The following INPP4B variants were observed in gnomAD, a reference collection of about 807,000 sequenced individuals.
The protein encoded by INPP4B is inositol polyphosphate-4-phosphatase type II B.
In INPP4B, 55 loss-of-function variants were observed where a neutral mutation model predicts 122.5. That is an observed-to-expected ratio of 0.45 (90% confidence interval 0.36 to 0.56). The LOEUF (loss-of-function observed/expected upper bound fraction) is 0.56, where lower values mean the gene tolerates loss of function less well. Ranked by LOEUF, INPP4B falls within the 20% of genes least tolerant of loss-of-function variation. The probability of loss-of-function intolerance (pLI) is 0.00; values close to 1 mark genes in which losing one functional copy is unlikely to be tolerated. For missense variants in INPP4B, 1,000 were observed against 1,097.7 expected (o/e 0.91, Z 1.26); for synonymous variants, 403 against 388.7 (o/e 1.04, Z -0.43).
chr4:142,819,862 G>A (rs1049854784), intron 1 of INPP4B, among the ~76,000 whole-genome samples: 11 of 151,940 alleles, frequency 7.2e-5, no homozygotes, highest in Non-Finnish European at 1.3e-4. Context: ...AAAGTATAAC[G>A]TGGCTTATGG....
chr4:142,376,772 G>C (rs1293556404), intron 7 of INPP4B, among the ~76,000 whole-genome samples: 1 of 151,954 alleles, frequency 6.6e-6, no homozygotes, highest in African/African-American at 2.4e-5. Context: ...GGAAAACTCT[G>C]AATCTGGCCC....
intron 2 of INPP4B, among the ~76,000 whole-genome samples, chr4:142,530,452 C>G (rs1227521936): frequency 6.6e-6 from 1 of 151,670 alleles, no homozygotes; most frequent in African/African-American, 2.4e-5. Flanking sequence ...TCCCAATTGT[C>G]ATAGAGCTTA....
At chr4:142,298,465 T>C (rs1278688490) in intron 9 of INPP4B, among the ~76,000 whole-genome samples, 1 of 151,858 alleles carries the variant, frequency 6.6e-6, no homozygotes, top group Non-Finnish European at 1.5e-5. Context: ...GTTGGGTAGA[T>C]CACGAGGTCA....
intron 2 of INPP4B, among the ~76,000 whole-genome samples, chr4:142,650,419 G>A (rs1314328926): frequency 6.6e-6 from 1 of 152,044 alleles, no homozygotes; most frequent in Non-Finnish European, 1.5e-5. Context: ...GACACAGACT[G>A]GCAAATTGGA....
At chr4:142,073,338 T>A (rs1031086251) in intron 25 of INPP4B, among the ~76,000 whole-genome samples, 1 of 152,124 alleles carries the variant, frequency 6.6e-6, no homozygotes, top group African/African-American at 2.4e-5. Flanking sequence ...TTCTCTGTCA[T>A]CTGTGGTCTT....
chr4:142,621,473 A>G (rs887774484), intron 2 of INPP4B, among the ~76,000 whole-genome samples: 14 of 151,972 alleles, frequency 9.2e-5, no homozygotes, highest in African/African-American at 2.9e-4. Context: ...ATTCAGGAGG[A>G]AAAGAAATAT....
In INPP4B at chr4:142,514,859, G is replaced by A. The variant is rs559074159; in HGVS notation, c.-190-52133C>T. ...CACCCAGGCTGGAATGCAGTGGCGC[G>A]ATCCTGGCTCACCTCAACCTTTGCC... On this transcript the variant is annotated intron_variant, in intron 2 of 25. Transcript: ENST00000262992. 6.7e-5 allele frequency among the ~76,000 whole-genome samples: 10 copies of A among 148,406 alleles called. No homozygotes were observed. In the East Asian group the frequency reaches 1.6e-3, roughly 24 times the overall value.
At chr4:142,167,597 G>C (rs1174964040) in intron 16 of INPP4B, among the ~76,000 whole-genome samples, 1 of 151,614 alleles carries the variant, frequency 6.6e-6, no homozygotes, top group East Asian at 1.9e-4. Context: ...AATTTCTGCT[G>C]TGCTTTTGTC....
intron 2 of INPP4B, among the ~76,000 whole-genome samples, chr4:142,626,669 T>C (rs1003516533): frequency 6.6e-6 from 1 of 152,042 alleles, no homozygotes; most frequent in Non-Finnish European, 1.5e-5. Flanking sequence ...TATAGAACCA[T>C]GAACAAATGT....
At chr4:142,752,151 G>A (rs933094678) in intron 1 of INPP4B, among the ~76,000 whole-genome samples, 1 of 151,956 alleles carries the variant, frequency 6.6e-6, no homozygotes, top group African/African-American at 2.4e-5. Flanking sequence ...TTTTTTTAGA[G>A]CTGTAGAATG....
chr4:142,347,328 G>C (rs767993664), intron 7 of INPP4B: 4 of 193,682 alleles, frequency 2.1e-5, no homozygotes, highest in Non-Finnish European at 4.3e-5. Flanking sequence ...AAAAAAGTCT[G>C]AGGAGTGAGT....
intron 2 of INPP4B, among the ~76,000 whole-genome samples, chr4:142,627,051 C>T (rs972610857): frequency 1.3e-5 from 2 of 151,994 alleles, no homozygotes; most frequent in Non-Finnish European, 2.9e-5. Flanking sequence ...TAGTCTCCTA[C>T]TACAAGAGCC....
chr4:142,273,008 G>C (rs1443688478), intron 9 of INPP4B, among the ~76,000 whole-genome samples: 1 of 151,948 alleles, frequency 6.6e-6, no homozygotes, highest in African/African-American at 2.4e-5. Flanking sequence ...CAGAAGAGCT[G>C]TGTAATAAAC....
chr4:142,618,276 A>G (rs1310485404), intron 2 of INPP4B, among the ~76,000 whole-genome samples: 1 of 152,134 alleles, frequency 6.6e-6, no homozygotes, highest in African/African-American at 2.4e-5. Context: ...TGAATAGCCA[A>G]AACAACTGTA....
At chr4:142,456,684 G>C (rs1298207911) in intron 3 of INPP4B, among the ~76,000 whole-genome samples, 1 of 151,988 alleles carries the variant, frequency 6.6e-6, no homozygotes, top group Non-Finnish European at 1.5e-5. Flanking sequence ...ATTGATGAAA[G>C]AAATAAAATA....
At chr4:142,570,070 G>A in intron 2 of INPP4B, among the ~76,000 whole-genome samples, 1 of 152,180 alleles carries the variant, frequency 6.6e-6, no homozygotes, top group African/African-American at 2.4e-5. Context: ...AGAAAAATTA[G>A]TTTGTGCCTC....
At chr4:142,288,433 A>C (rs1461288714) in intron 9 of INPP4B, among the ~76,000 whole-genome samples, 1 of 152,158 alleles carries the variant, frequency 6.6e-6, no homozygotes, top group Non-Finnish European at 1.5e-5. Context: ...AAATACAAAA[A>C]ATTAGCTGAG....
At chr4:142,116,222 A>G (rs924726694) in intron 21 of INPP4B, among the ~76,000 whole-genome samples, 1 of 152,192 alleles carries the variant, frequency 6.6e-6, no homozygotes. Flanking sequence ...GGGAGACTTT[A>G]ACACCTCACT....
At chr4:142,373,271 GACCTTTTAAGGTTCTGACA>G (rs879593383) in intron 7 of INPP4B, among the ~76,000 whole-genome samples, 4 of 151,946 alleles carry the variant, frequency 2.6e-5, no homozygotes, top group Non-Finnish European at 5.9e-5. Flanking sequence ...AACAACATTT[GACCTTTTAAGGTTCTGACA>G]ACCTAAGATT....
Sources: allele counts gnomAD v4.1 joint callset (sites outside exome capture counted in the v4.1 genomes callset), GRCh38; gene constraint gnomAD v4.1.1; transcripts MANE v1.5; gene names NCBI Gene and HGNC (gene_info 2026-07-23, HGNC 2026-07-21).